The following WRN variants were observed in gnomAD, a reference collection of about 807,000 sequenced individuals.
The protein encoded by WRN is WRN RecQ like helicase, also known as bifunctional 3'-5' exonuclease/ATP-dependent helicase WRN.
Under a neutral mutation model 180.7 loss-of-function variants are expected in WRN, and 149 were observed. The observed-to-expected ratio is 0.82, with a 90% CI of 0.72 to 0.94. WRN has a LOEUF of 0.94. WRN is among the 40% of genes least tolerant of loss of function. The pLI is 0.00. For synonymous variants in WRN, 548 were observed against 568.9 expected (o/e 0.96, Z 0.52); for missense variants, 1,661 against 1,700.1 (o/e 0.98, Z 0.40).
At chr8:31,125,074 T>G in intron 23 of WRN, 74 bp downstream of exon 23, 1 of 1,396,314 alleles carries the variant, frequency 7.2e-7, no homozygotes. Context: ...AACTGAATTT[T>G]TGTTGAATGA....
At position 31,079,320 on chromosome 8, in the gene WRN, A is replaced by C. The variant is rs538292001; in HGVS notation, c.840-1547A>C. ...GAAGGATCAAATTTTTACTTGAGTC[A>C]TTAATATAAAAATTTAAAAGACATG... On this transcript the variant is annotated intron_variant, in intron 8 of 34. Coordinates refer to ENST00000298139, the MANE Select transcript of WRN (RefSeq NM_000553.6). 6.3e-4 allele frequency among the ~76,000 whole-genome samples: 96 copies of C among 152,316 alleles called. 1 individual carries two copies. The highest frequency in any genetic ancestry group is 1.1e-3 in the Non-Finnish European group (73 of 68,022).
chr8:31,158,014 C>G (rs1803458332), intron 33 of WRN, among the ~76,000 whole-genome samples: 1 of 152,224 alleles, frequency 6.6e-6, no homozygotes, highest in Non-Finnish European at 1.5e-5. Context: ...AGGTGTGAGC[C>G]ATGGCACCTG....
At position 31,125,537 on chromosome 8, in the gene WRN, GAT is replaced by G. The variant is rs71206299; in HGVS notation, c.2825+568_2825+569del. Among the ~76,000 whole-genome samples, 622 of 63,738 alleles carry G rather than the reference GAT, an allele frequency of 9.8e-3. 41 individuals are homozygous for G. Among genetic ancestry groups the G allele is most frequent in the Admixed American group, 0.026 (120 of 4,644 alleles). 41.8% of individuals were successfully genotyped at this position (63,738 alleles called of 152,430 possible). A position where few individuals can be genotyped will look rare whatever the true frequency, so the allele number is the denominator to read the frequency against. ...GAAATAGGACGATTGATATTATGGA[GAT>G]ATATATATATATATATATATATATA... is the stretch of plus-strand genomic sequence containing the variant. On this transcript the variant is annotated intron_variant, in intron 23 of 34. Transcript: ENST00000298139.
At chr8:31,165,556 TTAA>T (rs2130509460) in intron 33 of WRN, among the ~76,000 whole-genome samples, 1 of 152,190 alleles carries the variant, frequency 6.6e-6, no homozygotes, top group East Asian at 1.9e-4. Flanking sequence ...ATGAAAATTA[TTAA>T]TGAGATATTT....
At chr8:31,091,724 A>AAT in intron 15 of WRN, 106 bp from the exon 16 acceptor site, 1 of 1,168,404 alleles carries the variant, frequency 8.6e-7, no homozygotes, top group Non-Finnish European at 1.2e-6. Flanking sequence ...AATTGCAAAG[A>AAT]ACAGGAATAT....
rs191411699 is a variant in WRN, at chr8:31,102,153, G to A, written c.2088+1198G>A. Among the ~76,000 whole-genome samples the A allele has an allele frequency of 7.9e-5, 12 of 152,294 alleles. No individual in the cohort carries two copies. The East Asian group carries it at 1.5e-3, about 20-fold the overall frequency. ...CATGTACATTTGTGTAACTACCACT[G>A]CAGTCAGGATGCCAAATGTTCCCTT... On this transcript the variant is annotated intron_variant, in intron 18 of 34. Coordinates refer to ENST00000298139, the MANE Select transcript of WRN (RefSeq NM_000553.6).
chr8:31,085,701 C>T (rs1383667077), intron 11 of WRN, among the ~76,000 whole-genome samples: 1 of 152,030 alleles, frequency 6.6e-6, no homozygotes, highest in East Asian at 1.9e-4. Context: ...AACTCCTGGG[C>T]TCAAGTGATC....
intron 1 of WRN, among the ~76,000 whole-genome samples, chr8:31,051,392 TA>T (rs1227191538): frequency 1.3e-5 from 2 of 152,184 alleles, no homozygotes; most frequent in African/African-American, 4.8e-5. Flanking sequence ...GTTAAGTGAT[TA>T]AAAAGCTACC....
intron 17 of WRN, among the ~76,000 whole-genome samples, chr8:31,099,063 T>TGAAA (rs1278283392): frequency 2.6e-4 from 38 of 146,854 alleles, no homozygotes; most frequent in African/African-American, 9.1e-4. Context: ...GTGCTAGTTA[T>TGAAA]GAAAGAAAGA....
chr8:31,162,690 T>C (rs1803679290), intron 33 of WRN, among the ~76,000 whole-genome samples: 1 of 152,200 alleles, frequency 6.6e-6, no homozygotes, highest in African/African-American at 2.4e-5. Context: ...ATGCTTTGCA[T>C]TGTGATGTTA....
chr8:31,051,293 T>C (rs1036616013), intron 1 of WRN, among the ~76,000 whole-genome samples: 1 of 152,158 alleles, frequency 6.6e-6, no homozygotes, highest in African/African-American at 2.4e-5. Flanking sequence ...GTCTATTTTC[T>C]AGAAGATGAC....
chr8:31,061,738 TG>T (rs1467586760), intron 3 of WRN, among the ~76,000 whole-genome samples: 2 of 152,190 alleles, frequency 1.3e-5, no homozygotes, highest in African/African-American at 4.8e-5. Flanking sequence ...GTGACCCTTC[TG>T]GAGTCTTTGT....
At chr8:31,113,412 A>T (rs769391585) in intron 19 of WRN, among the ~76,000 whole-genome samples, 11 of 152,172 alleles carry the variant, frequency 7.2e-5, no homozygotes, top group Non-Finnish European at 1.3e-4. Flanking sequence ...ATAAAACAAG[A>T]ATGGATCGAA....
intron 3 of WRN, among the ~76,000 whole-genome samples, chr8:31,062,992 G>A (rs183696802): frequency 6.6e-6 from 1 of 151,968 alleles, no homozygotes; most frequent in East Asian, 1.9e-4. Context: ...TGCCATGCCT[G>A]GCTAATTTTT....
At chr8:31,121,944 T>C (rs758339491) in intron 21 of WRN, among the ~76,000 whole-genome samples, 8 of 151,976 alleles carry the variant, frequency 5.3e-5, no homozygotes, top group Non-Finnish European at 1.0e-4. Flanking sequence ...AAATATGGAA[T>C]ATATCAAACA....
intron 18 of WRN, among the ~76,000 whole-genome samples, chr8:31,103,149 C>T (rs1800945700): frequency 6.6e-6 from 1 of 152,164 alleles, no homozygotes; most frequent in African/African-American, 2.4e-5. Flanking sequence ...GGCAGTAACA[C>T]TCATGGAGCT....
At chr8:31,037,001 G>T (rs1306449177) in intron 1 of WRN, among the ~76,000 whole-genome samples, 1 of 152,184 alleles carries the variant, frequency 6.6e-6, no homozygotes. Flanking sequence ...ATCCACAGGA[G>T]GGAGGGGATG....
intron 23 of WRN, among the ~76,000 whole-genome samples, chr8:31,128,191 A>C (rs1802001395): frequency 6.6e-6 from 1 of 152,170 alleles, no homozygotes; most frequent in South Asian, 2.1e-4. Context: ...ATTTGATATA[A>C]TTTTAAGTTA....
At chr8:31,098,168 T>G (rs941228441) in intron 17 of WRN, among the ~76,000 whole-genome samples, 3 of 152,180 alleles carry the variant, frequency 2.0e-5, no homozygotes, top group African/African-American at 7.2e-5. Context: ...ATTGACATAC[T>G]GTATTTTTTG....
Sources: gnomAD v4.1 joint callset for allele counts (sites outside exome capture counted in the v4.1 genomes callset) on GRCh38, gnomAD v4.1.1 for gene constraint, MANE v1.5 for transcripts, NCBI Gene and HGNC (gene_info 2026-07-23, HGNC 2026-07-21) for gene names.